SLIT1: variants seen among roughly 807,000 people sequenced by gnomAD.
SLIT1 encodes the protein slit homolog 1 protein.
Under a neutral mutation model 186.1 loss-of-function variants are expected in SLIT1, and 66 were observed. The observed-to-expected ratio is 0.35, with a 90% confidence interval of 0.29 to 0.44. The LOEUF is 0.44. SLIT1 is among the 20% of genes least tolerant of loss of function. The probability of loss-of-function intolerance (pLI) is 1.00; values close to 1 mark genes in which losing one functional copy is unlikely to be tolerated. For synonymous variants in SLIT1, 761 were observed against 833.8 expected (o/e 0.91, Z 1.50); for missense variants, 1,638 against 2,037.4 (o/e 0.80, Z 3.77).
rs1021114124 is a variant in SLIT1, at chr10:97,040,092, G to A, written c.2193C>T (p.Arg731=). 4 of 1,591,726 alleles carry A rather than the reference G, an allele frequency of 2.5e-6. No individual in the cohort carries two copies. Among genetic ancestry groups the A allele is most frequent in the Admixed American group, 3.5e-5 (2 of 57,194 alleles). ...AGGCGCACTCCTGTGGGCACTGTGG[G>A]CGGGGCAGGCAGCCCCCCTCCTCCT... The part of the protein sequence containing the change: ...EGQEEGGCLP[R]PQCPQECACL... Residue 731 remains arginine (R), a synonymous_variant, in exon 21 of 37, where the codon CGC becomes CGT. Coordinates refer to ENST00000266058, the MANE Select transcript of SLIT1 (RefSeq NM_003061.3).
intron 4 of SLIT1, among the ~76,000 whole-genome samples, chr10:97,069,978 A>G (rs1848987034): frequency 1.3e-5 from 2 of 151,848 alleles, no homozygotes; most frequent in Admixed American, 6.6e-5. Flanking sequence ...TCTCTGGGAG[A>G]ACCCAACCCA....
chr10:97,185,593 G>A lies in SLIT1; in HGVS notation c.82C>T (p.Arg28Cys), dbSNP rs1222612013. 1.3e-5 allele frequency: 20 copies of A among 1,595,248 alleles called. No homozygotes were observed. Among genetic ancestry groups the A allele is most frequent in the Non-Finnish European group, 1.6e-5 (19 of 1,172,468 alleles). ...GCGGGGCACGCCGAGGCACCCAGGCGCCACGCGGCTGCCCACAGCAGCAGC... is the reference window on the plus strand; with the variant it reads ...GCGGGGCACGCCGAGGCACCCAGGCACCACGCGGCTGCCCACAGCAGCAGC... ...LWLLLWAAAW[R>C]LGASACPALC... The change falls in exon 1 of 37, where the codon CGC becomes TGC. Residue 28 changes from arginine to cysteine, a missense_variant. Around this residue, in one of 3 missense-constraint regions of SLIT1, gnomAD observed 1,245 missense variants for 1,535.3 expected, o/e 0.81. Coordinates refer to ENST00000266058, the MANE Select transcript of SLIT1 (RefSeq NM_003061.3).
At chr10:97,125,747 G>A (rs1203531017) in intron 4 of SLIT1, among the ~76,000 whole-genome samples, 2 of 151,974 alleles carry the variant, frequency 1.3e-5, no homozygotes, top group Admixed American at 1.3e-4. Flanking sequence ...GCTGAGGAAG[G>A]AGAATCATTT....
At chr10:97,081,942 A>C (rs1383536569) in intron 4 of SLIT1, among the ~76,000 whole-genome samples, 1 of 152,182 alleles carries the variant, frequency 6.6e-6, no homozygotes, top group Non-Finnish European at 1.5e-5. Context: ...AACCTTGTCT[A>C]CTCAGCTCTT....
intron 11 of SLIT1, chr10:97,057,906 T>A: frequency 5.8e-6 from 4 of 693,682 alleles, no homozygotes; most frequent in Non-Finnish European, 1.1e-5. Flanking sequence ...GGGAGGGGGG[T>A]TGTATGCCAT....
intron 4 of SLIT1, among the ~76,000 whole-genome samples, chr10:97,108,393 G>A (rs1022399529): frequency 2.6e-5 from 4 of 152,236 alleles, no homozygotes; most frequent in African/African-American, 4.8e-5. Context: ...CCCAGGAAGC[G>A]CTTGGCTCTT....
At chr10:97,141,139 G>A (rs969540248) in intron 4 of SLIT1, among the ~76,000 whole-genome samples, 8 of 152,108 alleles carry the variant, frequency 5.3e-5, no homozygotes, top group African/African-American at 1.9e-4. Flanking sequence ...GCTCCAGCAC[G>A]CAGTTCTGGC....
rs1487232112 is a variant in SLIT1 at position 97,002,960 on chromosome 10, G to A, written c.3898C>T (p.Arg1300Cys). ...MPVDVNSAAF[R>C]LWQILNGTGF... is the part of the protein sequence containing the mutation. ...GTGCCGTTGAGGATCTGCCACAGGC[G>A]GAAGGCAGCTGAGTTGACATCCACG... The change falls in exon 35 of 37, where the codon CGC becomes TGC. Residue 1300 changes from arginine to cysteine, a missense_variant. This residue lies in a region of SLIT1 where 173 missense variants were observed against 290.9 expected (regional missense o/e 0.59). Coordinates refer to ENST00000266058, the MANE Select transcript of SLIT1 (RefSeq NM_003061.3). 14 of 1,614,008 alleles carry A rather than the reference G, an allele frequency of 8.7e-6. No homozygotes were observed. Among genetic ancestry groups the A allele is most frequent in the Middle Eastern group, 1.6e-4 (1 of 6,082 alleles).
chr10:97,064,149 G>C lies in SLIT1; in HGVS notation c.629+19C>G, dbSNP rs1275604848. ...ACCGGGCTTGGCTGCCCCGCTCCCA[G>C]CTGCCCCGGCTGACTCACAAGGTCC... On this transcript the variant is annotated intron_variant, in intron 7 of 36. Coordinates refer to ENST00000266058, the MANE Select transcript of SLIT1 (RefSeq NM_003061.3). The C allele has an allele frequency of 1.2e-6, 2 of 1,604,960 alleles. No homozygotes were observed. Among genetic ancestry groups the C allele is most frequent in the Admixed American group, 3.4e-5 (2 of 59,070 alleles).
chr10:97,028,085 A>G (rs1464050361), intron 25 of SLIT1, among the ~76,000 whole-genome samples: 1 of 152,164 alleles, frequency 6.6e-6, no homozygotes, highest in Non-Finnish European at 1.5e-5. Context: ...CACTCTGGAG[A>G]GGAGCATCTC....
Position 97,021,185 on chromosome 10 carries a change from G to A in SLIT1, c.2746+65C>T. The A allele has an allele frequency of 6.0e-6, 9 of 1,495,848 alleles. No individual in the cohort carries two copies. The highest frequency in any genetic ancestry group is 8.2e-6 in the Non-Finnish European group (9 of 1,096,458). 92.7% of individuals were successfully genotyped at this position (1,495,848 alleles called of 1,614,324 possible). A position where few individuals can be genotyped will look rare whatever the true frequency, so the allele number is the denominator to read the frequency against. ...CACAGGGACGCAGGCATGTTAGGAAGGCCCTGCAGTGTTGGGCAAGTTCTG... is the reference window on the plus strand; with the variant it reads ...CACAGGGACGCAGGCATGTTAGGAAAGCCCTGCAGTGTTGGGCAAGTTCTG... On this transcript the variant is annotated intron_variant, in intron 26 of 36. Transcript: ENST00000266058. This position sits in a 1 kb window ranked among gnomAD's most constrained non-coding sequence, Gnocchi z 4.5.
intron 13 of SLIT1, among the ~76,000 whole-genome samples, chr10:97,053,618 T>C (rs773276637): frequency 2.6e-5 from 4 of 152,106 alleles, no homozygotes; most frequent in African/African-American, 4.8e-5. Context: ...ATGGACACAA[T>C]AATATTAATA....
Position 97,184,018 on chromosome 10 carries a change from C to CACA in SLIT1, c.197+1459_197+1460insTGT. On this transcript the variant is annotated intron_variant, in intron 1 of 36. Transcript: ENST00000266058. This position sits in a 1 kb window ranked among gnomAD's most constrained non-coding sequence, Gnocchi z 4.4. ...ATTCACACACACACATACACATGCACCACACACACACACACACACACACAC... is the reference window on the plus strand; with the variant it reads ...ATTCACACACACACATACACATGCACACACACACACACACACACACACACACAC... Among the ~76,000 whole-genome samples, 1 of 142,588 alleles carries CACA rather than the reference C, an allele frequency of 7.0e-6. No individual in the cohort carries two copies. The highest frequency in any genetic ancestry group is 2.1e-4 in the East Asian group (1 of 4,768). 93.5% of individuals were successfully genotyped at this position (142,588 alleles called of 152,430 possible). A position where few individuals can be genotyped will look rare whatever the true frequency, so the allele number is the denominator to read the frequency against.
intron 13 of SLIT1, among the ~76,000 whole-genome samples, chr10:97,049,869 G>A (rs61864173): frequency 6.6e-5 from 10 of 152,228 alleles, no homozygotes; most frequent in East Asian, 1.9e-4. Flanking sequence ...GGATGGTGGC[G>A]GGGAGCAGAT....
intron 4 of SLIT1, among the ~76,000 whole-genome samples, chr10:97,150,951 G>A (rs999022191): frequency 2.0e-5 from 3 of 152,174 alleles, no homozygotes; most frequent in Non-Finnish European, 2.9e-5. Flanking sequence ...GTCAGGTGAC[G>A]GAGCTGACCT....
At chr10:97,056,598 T>C (rs1305233757) in intron 12 of SLIT1, 134 bp from the exon 13 acceptor site, 2 of 931,840 alleles carry the variant, frequency 2.1e-6, no homozygotes, top group Non-Finnish European at 1.6e-6. Flanking sequence ...CCAGGGAATC[T>C]GCCCTCTGGA....
intron 4 of SLIT1, among the ~76,000 whole-genome samples, chr10:97,121,735 A>G (rs1849561578): frequency 6.6e-6 from 1 of 152,030 alleles, no homozygotes; most frequent in African/African-American, 2.4e-5. Flanking sequence ...GACCTCTCAG[A>G]CGTGTAGTTC....
At chr10:97,083,959 GGCCACCACCCAGGA>G (rs1849131022) in intron 4 of SLIT1, among the ~76,000 whole-genome samples, 1 of 152,028 alleles carries the variant, frequency 6.6e-6, no homozygotes, top group Non-Finnish European at 1.5e-5. Flanking sequence ...CACACCTCTG[GGCCACCACCCAGGA>G]GCCCTCAGCA....
chr10:97,136,860 G>C (rs1004504873), intron 4 of SLIT1, among the ~76,000 whole-genome samples: 1 of 152,226 alleles, frequency 6.6e-6, no homozygotes, highest in Non-Finnish European at 1.5e-5. Context: ...TTCTGGATGT[G>C]AGCTGATATT....
Sources: allele counts gnomAD v4.1 joint callset (sites outside exome capture counted in the v4.1 genomes callset), GRCh38; gene constraint gnomAD v4.1.1; regional missense constraint gnomAD v4.1.1; non-coding constraint Gnocchi (gnomAD v3.1); transcripts MANE v1.5; gene names NCBI Gene and HGNC (gene_info 2026-07-23, HGNC 2026-07-21).